TPRG1: variants seen among roughly 807,000 people sequenced by gnomAD.
TPRG1 encodes tumor protein p63-regulated gene 1 protein.
In TPRG1, 29 loss-of-function variants were observed where a neutral mutation model predicts 29.3. The ratio of observed to expected loss-of-function variants is 0.99; its 90% confidence interval spans 0.74 to 1.35. TPRG1 has a LOEUF of 1.35. TPRG1 is among the 40% of genes most tolerant of loss of function. The pLI, the probability that TPRG1 is intolerant of heterozygous loss-of-function variation, is 0.00. For missense variants in TPRG1, 327 were observed against 335.0 expected, an observed-to-expected ratio of 0.98 and a Z score of 0.19; for synonymous variants, 130 against 116.8, an observed-to-expected ratio of 1.11 and a Z score of -0.73.
At chr3:189,304,765 A>G (rs943674938) in intron 4 of TPRG1, among the ~76,000 whole-genome samples, 1 of 152,122 alleles carries the variant, frequency 6.6e-6, no homozygotes, top group Admixed American at 6.5e-5. Flanking sequence ...AGAGACTAAC[A>G]TTTCATGGGC....
intron 4 of TPRG1, among the ~76,000 whole-genome samples, chr3:189,291,873 G>A (rs1719058550): frequency 6.6e-6 from 1 of 152,220 alleles, no homozygotes; most frequent in Admixed American, 6.5e-5. Flanking sequence ...GAGTCACATA[G>A]AAAGTTGGTG....
chr3:189,293,417 G>C (rs898243807), intron 4 of TPRG1, among the ~76,000 whole-genome samples: 106 of 152,140 alleles, frequency 7.0e-4, no homozygotes, highest in Non-Finnish European at 1.4e-3. Flanking sequence ...ATAACTAAAG[G>C]CTCTCTCACC....
intron 4 of TPRG1, among the ~76,000 whole-genome samples, chr3:189,089,116 A>G (rs1718169075): frequency 1.3e-5 from 2 of 152,158 alleles, no homozygotes; most frequent in South Asian, 4.1e-4. Context: ...GAATGATTAC[A>G]GGACTAACAG....
At position 189,279,602 on chromosome 3, in the gene TPRG1, T is replaced by TTA. The variant is rs1260933457; in HGVS notation, c.480-30783_480-30782dup. Among the ~76,000 whole-genome samples, 8 of 152,178 alleles carry TTA rather than the reference T, an allele frequency of 5.3e-5. No homozygotes were observed. The South Asian group carries it at 1.7e-3, about 32-fold the overall frequency. On this transcript the variant is annotated intron_variant, in intron 4 of 5. Transcript: ENST00000345063. ...CCTTTCTCAAGGGTTGTTGTGAGGATTAAATTAGATGATGTATATAAAGTA... is the reference window on the plus strand; with the variant it reads ...CCTTTCTCAAGGGTTGTTGTGAGGATTATAAATTAGATGATGTATATAAAGTA...
chr3:189,261,582 G>A (rs914227888), intron 4 of TPRG1, among the ~76,000 whole-genome samples: 1 of 152,190 alleles, frequency 6.6e-6, no homozygotes, highest in Admixed American at 6.5e-5. Flanking sequence ...GTGTACGACA[G>A]AGTGGCAAGA....
At chr3:189,040,641 A>G (rs1275873378) in intron 4 of TPRG1, among the ~76,000 whole-genome samples, 1 of 152,038 alleles carries the variant, frequency 6.6e-6, no homozygotes, top group African/African-American at 2.4e-5. Flanking sequence ...ACTTCTGCTC[A>G]TATCTTCTGC....
intron 4 of TPRG1, among the ~76,000 whole-genome samples, chr3:189,245,794 GTTTTCT>G (rs1741294818): frequency 6.6e-6 from 1 of 151,840 alleles, no homozygotes. Context: ...GAATTTTCTA[GTTTTCT>G]TTTTAATTTT....
At chr3:189,221,554 C>A (rs9833300) in intron 3 of TPRG1, among the ~76,000 whole-genome samples, 99,542 of 152,092 alleles carry the variant, frequency 0.65, 33,673 homozygotes, top group African/African-American at 0.84. Context: ...GATTTGGTGC[C>A]GTAAGTGGAA....
chr3:189,114,632 C>G (rs932807768), intron 1 of TPRG1, among the ~76,000 whole-genome samples: 5 of 152,050 alleles, frequency 3.3e-5, no homozygotes, highest in Non-Finnish European at 7.4e-5. Context: ...CCGAATTCCT[C>G]CCAAATAAGG....
intron 4 of TPRG1, among the ~76,000 whole-genome samples, chr3:189,259,319 G>A (rs932980512): frequency 6.6e-6 from 1 of 151,686 alleles, no homozygotes; most frequent in South Asian, 2.1e-4. Context: ...TGCCCTCTGT[G>A]GGCTGTACCC....
At chr3:189,123,719 T>A (rs1722093856) in intron 1 of TPRG1, 1 of 152,224 alleles carries the variant, frequency 6.6e-6, no homozygotes, top group South Asian at 2.1e-4. Context: ...TTCATTGTAC[T>A]TGCTGGCACT....
chr3:189,180,769 G>A (rs949873318), intron 1 of TPRG1, among the ~76,000 whole-genome samples: 2 of 152,176 alleles, frequency 1.3e-5, no homozygotes, highest in Non-Finnish European at 2.9e-5. Flanking sequence ...GTCTGGGGGA[G>A]TGACCATCTT....
chr3:189,180,534 C>A (rs935600481), intron 1 of TPRG1, among the ~76,000 whole-genome samples: 1 of 152,182 alleles, frequency 6.6e-6, no homozygotes, highest in Non-Finnish European at 1.5e-5. Context: ...CAAAATCAAG[C>A]AGGGCACTCT....
chr3:189,115,660 T>C (rs988986026), intron 1 of TPRG1, among the ~76,000 whole-genome samples: 1 of 152,208 alleles, frequency 6.6e-6, no homozygotes, highest in African/African-American at 2.4e-5. Context: ...TGTTCCACAA[T>C]GTTACAATGA....
intron 4 of TPRG1, among the ~76,000 whole-genome samples, chr3:189,054,602 T>TAC (rs139002334): frequency 1.5e-3 from 225 of 151,800 alleles, no homozygotes; most frequent in Non-Finnish European, 2.6e-3. Context: ...CAACAATGTC[T>TAC]ACACACACAC....
chr3:189,105,623 G>T (rs992172696), intron 1 of TPRG1, among the ~76,000 whole-genome samples: 1 of 152,006 alleles, frequency 6.6e-6, no homozygotes, highest in African/African-American at 2.4e-5. Context: ...ACAACCTTGG[G>T]AACTTCAACT....
At position 189,194,708 on chromosome 3, in the gene TPRG1, C is replaced by T. The variant is rs115559511; in HGVS notation, c.-9-12668C>T. 5.8e-3 allele frequency among the ~76,000 whole-genome samples: 887 copies of T among 152,250 alleles called. 10 individuals carry two copies. Among genetic ancestry groups the T allele is most frequent in the African/African-American group, 0.019 (778 of 41,538 alleles). On this transcript the variant is annotated intron_variant, in intron 1 of 5. Transcript: ENST00000345063. Reference sequence around the variant, plus strand: ...AATTTGGAAACCTGTGCCAACAGGGCTCAGTGGCAGCTTGAGTCCCAGGGA... The same window carrying T: ...AATTTGGAAACCTGTGCCAACAGGGTTCAGTGGCAGCTTGAGTCCCAGGGA...
chr3:189,057,609 G>A (rs1412756451), intron 4 of TPRG1, among the ~76,000 whole-genome samples: 1 of 150,578 alleles, frequency 6.6e-6, no homozygotes, highest in African/African-American at 2.4e-5. Flanking sequence ...GGAGAGAAGT[G>A]TTAATAGATG....
chr3:189,024,325 A>T (rs1713540600), intron 4 of TPRG1, among the ~76,000 whole-genome samples: 1 of 152,080 alleles, frequency 6.6e-6, no homozygotes, highest in Admixed American at 6.5e-5. Context: ...CTCTGCCCTG[A>T]TTCGTTTGGA....
Sources: allele counts gnomAD v4.1 joint callset (sites outside exome capture counted in the v4.1 genomes callset), GRCh38; gene constraint gnomAD v4.1.1; transcripts MANE v1.5; gene names NCBI Gene and HGNC (gene_info 2026-07-23, HGNC 2026-07-21).